MID1: variants seen among roughly 807,000 people sequenced by gnomAD.
MID1 encodes the protein E3 ubiquitin-protein ligase Midline-1.
MID1 carries 7 observed loss-of-function variants against 40.4 expected under a neutral mutation model. The observed-to-expected ratio is 0.17, with a 90% confidence interval of 0.10 to 0.33. The LOEUF (loss-of-function observed/expected upper bound fraction) is 0.33, where lower values mean the gene tolerates loss of function less well. MID1 is among the 10% of genes least tolerant of loss of function. MID1 has a pLI of 1.00. For missense variants in MID1, 367 were observed against 558.5 expected, an observed-to-expected ratio of 0.66 and a Z score of 3.46; for synonymous variants, 229 against 221.2, an observed-to-expected ratio of 1.04 and a Z score of -0.31.
intron 4 of MID1, among the ~76,000 whole-genome samples, chrX:10,488,343 TG>T (rs1192695102): frequency 3.6e-5 from 4 of 111,418 alleles, no homozygotes; most frequent in Non-Finnish European, 7.5e-5. Flanking sequence ...CCTAAATGGC[TG>T]GATCATATGG....
rs1211902695 is a variant in MID1 at position 10,642,502 on chromosome X, C to G, written c.-186-22083G>C. On this transcript the variant is annotated intron_variant, in intron 1 of 10. Transcript: ENST00000380785. Reference sequence around the variant, plus strand: ...AGGAGAACTACAAACCACTGCTCAACGAAATAAAAGAGGACACAAACAAAT... The same window carrying G: ...AGGAGAACTACAAACCACTGCTCAAGGAAATAAAAGAGGACACAAACAAAT... 3.7e-5 allele frequency among the ~76,000 whole-genome samples: 4 copies of G among 109,349 alleles called. No individual in the cohort carries two copies. The East Asian group carries it at 1.1e-3, about 31-fold the overall frequency. The allele number at this position is 109,349 out of a possible 115,157, so 95.0% of individuals were successfully genotyped here.
intron 1 of MID1, among the ~76,000 whole-genome samples, chrX:10,797,186 C>T (rs2043973102): frequency 9.0e-6 from 1 of 111,136 alleles, no homozygotes. Flanking sequence ...AGATATTTAC[C>T]ATATTCTGTC....
chrX:10,767,961 G>A (rs2043742421), intron 1 of MID1, among the ~76,000 whole-genome samples: 1 of 111,656 alleles, frequency 9.0e-6, no homozygotes, highest in South Asian at 3.7e-4. Context: ...TGGGTTGTAC[G>A]TTTGCCCAGC....
chrX:10,492,786 C>A (rs755016566), intron 4 of MID1, among the ~76,000 whole-genome samples: 2 of 112,296 alleles, frequency 1.8e-5, no homozygotes, highest in Non-Finnish European at 3.8e-5. Flanking sequence ...CATTTCTGGC[C>A]TGTGGAGATG....
chrX:10,690,989 C>T (rs2043128691), intron 1 of MID1, among the ~76,000 whole-genome samples: 1 of 111,190 alleles, frequency 9.0e-6, no homozygotes, highest in Non-Finnish European at 1.9e-5. Flanking sequence ...GGAATCCCTA[C>T]CACTGTCTCC....
intron 1 of MID1, among the ~76,000 whole-genome samples, chrX:10,696,565 T>A (rs755075957): frequency 9.3e-4 from 104 of 112,122 alleles, no homozygotes; most frequent in South Asian, 4.2e-3. Flanking sequence ...CCCCTTGGTC[T>A]AAGTCTTTCT....
intron 2 of MID1, among the ~76,000 whole-genome samples, chrX:10,526,957 C>T (rs1387232050): frequency 1.8e-5 from 2 of 111,111 alleles, no homozygotes; most frequent in African/African-American, 3.3e-5. Context: ...CCTTAATGAG[C>T]CATGCACCCA....
intron 2 of MID1, among the ~76,000 whole-genome samples, chrX:10,533,564 A>G (rs1933119594): frequency 9.0e-6 from 1 of 110,952 alleles, no homozygotes; most frequent in Non-Finnish European, 1.9e-5. Context: ...TTTCAATATA[A>G]TTCAATTAAC....
intron 1 of MID1, among the ~76,000 whole-genome samples, chrX:10,765,988 A>AAAGG (rs1171671413): frequency 9.2e-6 from 1 of 108,468 alleles, no homozygotes; most frequent in East Asian, 2.9e-4. Flanking sequence ...AGAAAGAAAG[A>AAAGG]AAGAAAGAAA....
intron 6 of MID1, among the ~76,000 whole-genome samples, chrX:10,471,278 G>A (rs1340996557): frequency 8.9e-6 from 1 of 112,128 alleles, no homozygotes; most frequent in Non-Finnish European, 1.9e-5. Flanking sequence ...AACCCAAAGA[G>A]GAAGAAAAGT....
intron 1 of MID1, among the ~76,000 whole-genome samples, chrX:10,694,584 G>A (rs962246323): frequency 3.6e-5 from 4 of 111,918 alleles, no homozygotes; most frequent in African/African-American, 6.5e-5. Context: ...AGGGTAAGTC[G>A]GAATTAGCCT....
chrX:10,621,909 T>C (rs1935939126), upstream of MID1, among the ~76,000 whole-genome samples: 1 of 103,869 alleles, frequency 9.6e-6, no homozygotes, highest in African/African-American at 3.6e-5. Context: ...CTGTGCACTG[T>C]AAGATGTGTA....
chrX:10,536,195 A>G (rs1178768481), intron 2 of MID1, among the ~76,000 whole-genome samples: 1 of 112,505 alleles, frequency 8.9e-6, no homozygotes. Context: ...ACTGCACTCC[A>G]GCCTGGGCAA....
At chrX:10,492,537 T>C (rs1931006526) in intron 4 of MID1, among the ~76,000 whole-genome samples, 1 of 112,034 alleles carries the variant, frequency 8.9e-6, no homozygotes, top group Non-Finnish European at 1.9e-5. Context: ...AGCTATGATA[T>C]GAGGGAAAGG....
intron 3 of MID1, 37 bp from the exon 4 acceptor site, chrX:10,495,728 C>T (rs1347810739): frequency 9.9e-7 from 1 of 1,005,520 alleles, no homozygotes; most frequent in East Asian, 3.0e-5. Context: ...TTAATTTGGC[C>T]TTTGTTTTTC....
intron 2 of MID1, among the ~76,000 whole-genome samples, chrX:10,564,968 C>T (rs1455490679): frequency 1.0e-5 from 1 of 99,841 alleles, no homozygotes. Flanking sequence ...CCTAAATATT[C>T]TCCCTTCAGC....
At chrX:10,663,099 T>C (rs186916242) in intron 1 of MID1, among the ~76,000 whole-genome samples, 1 of 111,702 alleles carries the variant, frequency 9.0e-6, no homozygotes, top group East Asian at 2.8e-4. Context: ...AACCCCTTTC[T>C]CTTTTCTTTT....
In MID1 at chrX:10,633,700, C is replaced by T. The variant is rs190947262; in HGVS notation, c.-186-13281G>A. On this transcript the variant is annotated intron_variant, in intron 1 of 10. Coordinates refer to the MID1 transcript ENST00000380785. ...AACTCCTGGGCTCAGGCAATCCTCC[C>T]GCCTTGGCCTCCCAAAGTGCTGGAA... is the stretch of plus-strand genomic sequence containing the variant. Among the ~76,000 whole-genome samples the T allele has an allele frequency of 1.5e-3, 166 of 111,666 alleles. 1 individual carries two copies. The highest frequency in any genetic ancestry group is 4.6e-3 in the Middle Eastern group (1 of 218).
chrX:10,609,229 T>C (rs1169653367), intron 1 of MID1, among the ~76,000 whole-genome samples: 1 of 111,523 alleles, frequency 9.0e-6, no homozygotes, highest in Non-Finnish European at 1.9e-5. Context: ...CAGATATTAT[T>C]CCACCGTGTG....
Sources: gnomAD v4.1 joint callset for allele counts (sites outside exome capture counted in the v4.1 genomes callset) on GRCh38, gnomAD v4.1.1 for gene constraint, MANE v1.5 for transcripts, NCBI Gene and HGNC (gene_info 2026-07-23, HGNC 2026-07-21) for gene names.